The following SPATA13 variants were observed in gnomAD, a reference collection of about 807,000 sequenced individuals.
SPATA13 encodes the protein spermatogenesis associated 13, also known as spermatogenesis-associated protein 13.
In SPATA13, 50 loss-of-function variants were observed where a neutral mutation model predicts 104.0. The ratio of observed to expected loss-of-function variants is 0.48; its 90% CI spans 0.38 to 0.61. SPATA13 has a LOEUF of 0.61. SPATA13 is among the 20% of genes least tolerant of loss of function. The pLI is 0.00. For synonymous variants in SPATA13, 606 were observed against 667.5 expected (o/e 0.91, Z 1.42); for missense variants, 1,524 against 1,690.6 (o/e 0.90, Z 1.73).
At chr13:23,980,983 G>A (rs1240953474) in intron 1 of SPATA13, among the ~76,000 whole-genome samples, 1 of 152,172 alleles carries the variant, frequency 6.6e-6, no homozygotes, top group Non-Finnish European at 1.5e-5. Context: ...AAAAAGTAAA[G>A]TACAGAACCA....
intron 1 of SPATA13, among the ~76,000 whole-genome samples, chr13:24,204,387 A>G (rs1196483229): frequency 6.6e-6 from 1 of 152,028 alleles, no homozygotes; most frequent in Non-Finnish European, 1.5e-5. Flanking sequence ...TTTTAAAAGC[A>G]TTGTTTTTGT....
chr13:24,208,470 G>T (rs981931158), intron 1 of SPATA13, among the ~76,000 whole-genome samples: 1 of 152,124 alleles, frequency 6.6e-6, no homozygotes, highest in Non-Finnish European at 1.5e-5. Flanking sequence ...GTGAATATAG[G>T]TGGAGTCTGA....
In SPATA13 at chr13:24,249,688, C is replaced by T; in HGVS notation, c.1865C>T (p.Pro622Leu). 1 of 1,614,190 alleles carries T rather than the reference C, an allele frequency of 6.2e-7. No homozygotes were observed. Among genetic ancestry groups the T allele is most frequent in the East Asian group, 2.2e-5 (1 of 44,884 alleles). Reference protein sequence around the residue: ...PQKEDRVDEDPQASMTSASPE... With the variant: ...PQKEDRVDEDLQASMTSASPE... ...AAGGAAGACCGTGTGGACGAGGACC[C>T]CCAGGCAAGCATGACTTCTGCCAGC... The change falls in exon 3 of 13, where the codon CCC (proline) becomes CTC (leucine). Residue 622 changes from proline to leucine, a missense_variant. Pro to Leu is a moderately conservative substitution (Grantham distance 98). Transcript: ENST00000382108.
chr13:24,248,118 C>T (rs79763908), intron 2 of SPATA13, among the ~76,000 whole-genome samples: 5,472 of 152,280 alleles, frequency 0.036, 122 homozygotes, highest in Middle Eastern at 0.061. Flanking sequence ...GCTTACAGGC[C>T]TCCACTCCTG....
intron 3 of SPATA13, among the ~76,000 whole-genome samples, chr13:24,090,030 C>T (rs1184924988): frequency 6.6e-6 from 1 of 152,202 alleles, no homozygotes; most frequent in Admixed American, 6.5e-5. Flanking sequence ...CTAAAGGCCC[C>T]ACCCCTGAAT....
At chr13:24,111,133 C>G (rs191982416) in intron 3 of SPATA13, among the ~76,000 whole-genome samples, 15 of 151,978 alleles carry the variant, frequency 9.9e-5, no homozygotes, top group African/African-American at 3.4e-4. Flanking sequence ...TGGTCTTGAA[C>G]CCCTGGTTTC....
chr13:24,139,143 C>T (rs980288871), intron 3 of SPATA13, among the ~76,000 whole-genome samples: 4 of 152,134 alleles, frequency 2.6e-5, no homozygotes, highest in Non-Finnish European at 2.9e-5. Context: ...CCTTGCTGTT[C>T]CTGGGTCTAC....
intron 11 of SPATA13, among the ~76,000 whole-genome samples, chr13:24,298,355 G>A (rs768147697): frequency 2.0e-5 from 3 of 152,162 alleles, no homozygotes; most frequent in Non-Finnish European, 2.9e-5. Flanking sequence ...TCAGGATGCC[G>A]CATCGTCCAT....
At chr13:24,095,091 A>T (rs997912256) in intron 3 of SPATA13, among the ~76,000 whole-genome samples, 3 of 152,236 alleles carry the variant, frequency 2.0e-5, no homozygotes, top group Non-Finnish European at 4.4e-5. Flanking sequence ...AGTCTCAAAG[A>T]GGCATGTGCA....
intron 3 of SPATA13, among the ~76,000 whole-genome samples, chr13:24,112,820 C>T (rs1488887528): frequency 1.3e-5 from 2 of 152,186 alleles, no homozygotes; most frequent in Admixed American, 6.5e-5. Context: ...TCTTTGCTGT[C>T]ATTGCTTCAG....
In SPATA13 at chr13:24,247,174, C is replaced by T. The variant is rs74040447; in HGVS notation, c.1654-2303C>T. ...ATCATTTGTATGCTATTCTGGGTGC[C>T]GTCAGTGGAGAGAGAATTAAAGGTG... On this transcript the variant is annotated intron_variant, in intron 2 of 12. Transcript: ENST00000382108. Among the ~76,000 whole-genome samples the T allele has an allele frequency of 3.1e-3, 476 of 152,182 alleles. 2 individuals carry two copies. The highest frequency in any genetic ancestry group is 0.011 in the African/African-American group (436 of 41,516).
At chr13:23,991,112 C>T (rs1465405203) in intron 2 of SPATA13, among the ~76,000 whole-genome samples, 1 of 152,194 alleles carries the variant, frequency 6.6e-6, no homozygotes, top group Non-Finnish European at 1.5e-5. Flanking sequence ...GGCGGCAGCT[C>T]CCTGAGTGGA....
At chr13:24,082,641 A>C (rs1046283924) in intron 3 of SPATA13, among the ~76,000 whole-genome samples, 35 of 151,206 alleles carry the variant, frequency 2.3e-4, no homozygotes, top group Non-Finnish European at 4.3e-4. Context: ...TAACAAGGTG[A>C]AACCCCGTCT....
intron 3 of SPATA13, among the ~76,000 whole-genome samples, chr13:24,105,430 C>T (rs959019549): frequency 4.1e-4 from 62 of 149,980 alleles, no homozygotes; most frequent in Middle Eastern, 3.4e-3. Context: ...TGAGCCACTG[C>T]GCCTGACTTC....
Position 24,031,070 on chromosome 13 carries a change from CCATT to C in SPATA13, c.-112+13372_-112+13375del, listed in dbSNP as rs372411019. Among the ~76,000 whole-genome samples the C allele has an allele frequency of 3.8e-4, 58 of 152,298 alleles. No individual in the cohort carries two copies. In the East Asian group the frequency reaches 8.1e-3, roughly 21 times the overall value. On this transcript the variant is annotated intron_variant, in intron 3 of 14. Coordinates refer to the SPATA13 transcript ENST00000424834. ...TTCTTCCATTTCTCAATATCTTCTC[CCATT>C]CAAAGTAGCAAATGGTTTTAAAGCT...
rs890155372 is a variant in SPATA13, at chr13:24,294,728, C to T, written c.3081-11C>T. The T allele has an allele frequency of 3.8e-6, 6 of 1,570,868 alleles. No individual in the cohort carries two copies. The highest frequency in any genetic ancestry group is 1.7e-4 in the Middle Eastern group (1 of 5,954). On this transcript the variant is annotated splice_polypyrimidine_tract_variant and intron_variant, in intron 9 of 12. Coordinates refer to ENST00000382108, the MANE Select transcript of SPATA13 (RefSeq NM_001166271.3). ...ATGTTATGTGATTAAAATTAACCTC[C>T]CATCTTGCAGTGATTACAGCAACAT... is the stretch of plus-strand genomic sequence containing the variant.
rs182687044 is a variant in SPATA13 at position 24,058,995 on chromosome 13, G to A, written c.-112+41294G>A. On this transcript the variant is annotated intron_variant, in intron 3 of 14. Transcript: ENST00000424834. ...GTTTTGTTTTGTTTTGTTTTGAGAC[G>A]GAGTCTTGCTCTGTCACCCAGGCTG... Among the ~76,000 whole-genome samples, 9 of 151,532 alleles carry A rather than the reference G, an allele frequency of 5.9e-5. No individual in the cohort carries two copies. The East Asian group carries it at 1.4e-3, about 23-fold the overall frequency.
intron 3 of SPATA13, among the ~76,000 whole-genome samples, chr13:24,112,976 T>G (rs1432455080): frequency 1.3e-5 from 2 of 152,208 alleles, no homozygotes; most frequent in African/African-American, 2.4e-5. Flanking sequence ...GAGGGGCTAC[T>G]TACTGTAATG....
In SPATA13 at chr13:24,302,610, G is replaced by A. The variant is rs1442965467; in HGVS notation, c.3671G>A (p.Cys1224Tyr). Residue 1224 changes from cysteine to tyrosine, a missense_variant, in exon 13 of 13, where the codon TGC (cysteine) becomes TAC (tyrosine). Coordinates refer to ENST00000382108, the MANE Select transcript of SPATA13 (RefSeq NM_001166271.3). ...GHGKSKGYNRCPVAPPHQGLH... is the reference protein window; with the variant it reads ...GHGKSKGYNRYPVAPPHQGLH... ...CCTCCCGAGTCAGGCTACAACAGGTGCCCTGTGGCCCCACCGCACCAGGGC... is the reference window on the plus strand; with the variant it reads ...CCTCCCGAGTCAGGCTACAACAGGTACCCTGTGGCCCCACCGCACCAGGGC... 3.1e-6 allele frequency: 5 copies of A among 1,606,830 alleles called. No individual in the cohort carries two copies. The highest frequency in any genetic ancestry group is 1.3e-5 in the African/African-American group (1 of 74,746).
Sources: gnomAD v4.1 joint callset for allele counts (sites outside exome capture counted in the v4.1 genomes callset) on GRCh38, gnomAD v4.1.1 for gene constraint, MANE v1.5 for transcripts, NCBI Gene and HGNC (gene_info 2026-07-23, HGNC 2026-07-21) for gene names.